RAB3IP: variants seen among roughly 807,000 people sequenced by gnomAD.
RAB3IP encodes RAB3A interacting protein, also known as rab-3A-interacting protein.
Under a neutral mutation model 59.1 loss-of-function variants are expected in RAB3IP, and 36 were observed. The ratio of observed to expected loss-of-function variants is 0.61; its 90% CI spans 0.47 to 0.80. RAB3IP has a LOEUF of 0.80. Ranked by LOEUF, RAB3IP falls within the 30% of genes least tolerant of loss-of-function variation. RAB3IP has a pLI of 0.00. For synonymous variants in RAB3IP, 207 were observed against 191.2 expected (o/e 1.08, Z -0.68); for missense variants, 511 against 536.0 (o/e 0.95, Z 0.46).
At position 69,820,869 on chromosome 12, in the gene RAB3IP, A is replaced by AC. The variant is rs1881655795; in HGVS notation, c.*5423_*5424insC. 1 of 151,732 alleles carries AC rather than the reference A, an allele frequency of 6.6e-6. No individual in the cohort carries two copies. The highest frequency in any genetic ancestry group is 2.4e-5 in the African/African-American group (1 of 41,328). The allele number at this position is 151,732 out of a possible 1,614,324, so 9.4% of individuals were successfully genotyped here. The stretch of plus-strand genomic sequence containing the variant: ...GTGAAACTCCGTCTGAAAAAAAAAA[A>AC]AAAAAACCCAAACTCAATAGAAAAT... On this transcript the variant is annotated 3_prime_UTR_variant, in exon 11 of 11. Coordinates refer to ENST00000247833, the MANE Select transcript of RAB3IP (RefSeq NM_022456.5).
intron 8 of RAB3IP, among the ~76,000 whole-genome samples, chr12:69,804,382 A>G (rs540099059): frequency 1.1e-4 from 16 of 152,230 alleles, no homozygotes; most frequent in South Asian, 2.1e-4. Flanking sequence ...TTCATTGTAG[A>G]TTCTGGATAC....
At chr12:69,797,554 G>A (rs2136237670) in intron 6 of RAB3IP, among the ~76,000 whole-genome samples, 1 of 135,536 alleles carries the variant, frequency 7.4e-6, no homozygotes, top group South Asian at 2.4e-4. Flanking sequence ...TTAAGTTTTA[G>A]GGTACATGTG....
Position 69,812,729 on chromosome 12 carries a change from G to A in RAB3IP, c.1131-49G>A, listed in dbSNP as rs1163320194. On this transcript the variant is annotated intron_variant, in intron 8 of 10. Coordinates refer to ENST00000247833, the MANE Select transcript of RAB3IP (RefSeq NM_022456.5). ...ATAGGCAACTTGTACAGAAGGTAGG[G>A]GCAAATGCTTTTCATTTCAAAAAAC... The A allele has an allele frequency of 4.0e-6, 5 of 1,262,958 alleles. No homozygotes were observed. In the South Asian group the frequency reaches 5.3e-5, roughly 13 times the overall value. The allele number at this position is 1,262,958 out of a possible 1,614,324, so 78.2% of individuals were successfully genotyped here.
chr12:69,761,765 G>T (rs1385158393), intron 3 of RAB3IP, among the ~76,000 whole-genome samples: 1 of 152,124 alleles, frequency 6.6e-6, no homozygotes, highest in African/African-American at 2.4e-5. Flanking sequence ...ATATATTAGG[G>T]TGATGCTTAT....
At chr12:69,803,632 T>A (rs1252940022) in intron 8 of RAB3IP, among the ~76,000 whole-genome samples, 1 of 152,088 alleles carries the variant, frequency 6.6e-6, no homozygotes, top group Non-Finnish European at 1.5e-5. Context: ...TATCTCCTAA[T>A]GCTATCCCTC....
At chr12:69,745,804 A>G (rs931526820) in intron 1 of RAB3IP, among the ~76,000 whole-genome samples, 10 of 152,260 alleles carry the variant, frequency 6.6e-5, no homozygotes, top group African/African-American at 1.9e-4. Flanking sequence ...TTTAACCTTT[A>G]TTCCCATCTC....
chr12:69,797,167 C>T (rs1877560782), intron 6 of RAB3IP, among the ~76,000 whole-genome samples: 1 of 152,210 alleles, frequency 6.6e-6, no homozygotes, highest in Non-Finnish European at 1.5e-5. Context: ...AACATGTCTT[C>T]TGTAAACATT....
chr12:69,782,009 A>G (rs1191106748), intron 3 of RAB3IP, among the ~76,000 whole-genome samples: 1 of 152,120 alleles, frequency 6.6e-6, no homozygotes, highest in Non-Finnish European at 1.5e-5. Context: ...TAGAGTTCCT[A>G]TTTGTTCACA....
At chr12:69,783,121 A>G (rs1038572865) in intron 3 of RAB3IP, among the ~76,000 whole-genome samples, 37 of 152,150 alleles carry the variant, frequency 2.4e-4, no homozygotes, top group African/African-American at 8.9e-4. Context: ...TTTGTTTCCC[A>G]TGTTTAAATG....
chr12:69,810,671 A>ACATTT (rs1168686691), intron 8 of RAB3IP, among the ~76,000 whole-genome samples: 2 of 152,066 alleles, frequency 1.3e-5, no homozygotes, highest in African/African-American at 4.8e-5. Context: ...ACATTTTAAG[A>ACATTT]AAGAAAAGTT....
At position 69,739,157 on chromosome 12, in the gene RAB3IP, G is replaced by C. The variant is rs926470186; in HGVS notation, c.-26+126G>C. ...CGGCAGGTGCAGGTGCTGGCGCCGT[G>C]CAGGGCGCGGCACGCGGGGGTTCGG... On this transcript the variant is annotated intron_variant, in intron 1 of 10. Transcript: ENST00000247833. 2.9e-4 allele frequency: 44 copies of C among 152,268 alleles called. 1 individual carries two copies. Among genetic ancestry groups the C allele is most frequent in the Admixed American group, 1.2e-3 (18 of 15,254 alleles). 9.4% of individuals were successfully genotyped at this position (152,268 alleles called of 1,614,324 possible).
intron 3 of RAB3IP, among the ~76,000 whole-genome samples, chr12:69,758,971 TC>T (rs1870720346): frequency 2.1e-5 from 3 of 142,350 alleles, no homozygotes; most frequent in South Asian, 2.3e-4. Context: ...GTTTTCTTCC[TC>T]CTTCTGGTCA....
intron 4 of RAB3IP, among the ~76,000 whole-genome samples, chr12:69,792,788 T>C (rs1276477756): frequency 6.6e-6 from 1 of 152,188 alleles, no homozygotes; most frequent in Non-Finnish European, 1.5e-5. Context: ...TTCACATTAC[T>C]CTAAGTTTAC....
intron 1 of RAB3IP, among the ~76,000 whole-genome samples, chr12:69,749,075 G>A (rs1448568529): frequency 1.3e-5 from 2 of 152,184 alleles, no homozygotes; most frequent in African/African-American, 4.8e-5. Flanking sequence ...TATAACAGGG[G>A]TCCCCAGTTC....
At chr12:69,779,414 C>G (rs1035607517) in intron 3 of RAB3IP, among the ~76,000 whole-genome samples, 2 of 152,072 alleles carry the variant, frequency 1.3e-5, no homozygotes, top group Non-Finnish European at 2.9e-5. Flanking sequence ...CGGAGCTGTT[C>G]CTATTCGGCC....
chr12:69,750,300 C>T (rs1869037618), intron 1 of RAB3IP, among the ~76,000 whole-genome samples: 1 of 152,158 alleles, frequency 6.6e-6, no homozygotes, highest in South Asian at 2.1e-4. Flanking sequence ...TCCTCTCTCC[C>T]TGGATTATTT....
chr12:69,804,185 G>A lies in RAB3IP; in HGVS notation c.1130+2464G>A, dbSNP rs531338358. Among the ~76,000 whole-genome samples the A allele has an allele frequency of 4.6e-4, 70 of 152,184 alleles. No homozygotes were observed. In the South Asian group the frequency reaches 5.8e-3, roughly 13 times the overall value. On this transcript the variant is annotated intron_variant, in intron 8 of 10. Coordinates refer to ENST00000247833, the MANE Select transcript of RAB3IP (RefSeq NM_022456.5). The stretch of plus-strand genomic sequence containing the variant: ...GTTGTTTCCTGACTGTTTAATGATC[G>A]CCATTCTAACTGGTGTGAGATGGTA...
intron 1 of RAB3IP, among the ~76,000 whole-genome samples, chr12:69,755,064 ATTGTGGTGTTTTGTTT>A (rs1182986972): frequency 6.6e-6 from 1 of 151,928 alleles, no homozygotes; most frequent in East Asian, 1.9e-4. Context: ...ATGTTAAGTG[ATTGTGGTGTTTTGTTT>A]TTGTTTTTGT....
chr12:69,793,657 A>G (rs1876991883), intron 4 of RAB3IP, among the ~76,000 whole-genome samples: 1 of 152,158 alleles, frequency 6.6e-6, no homozygotes, highest in African/African-American at 2.4e-5. Flanking sequence ...GTAAGGCTTC[A>G]TATTGCATTT....
Sources: gnomAD v4.1 joint callset for allele counts (sites outside exome capture counted in the v4.1 genomes callset) on GRCh38, gnomAD v4.1.1 for gene constraint, MANE v1.5 for transcripts, NCBI Gene and HGNC (gene_info 2026-07-23, HGNC 2026-07-21) for gene names.